Variants in VPS8 observed in about 807,000 individuals in gnomAD.
VPS8 encodes VPS8 subunit of CORVET complex.
A neutral mutation model predicts 216.4 loss-of-function variants in VPS8; 129 were observed. The ratio of observed to expected loss-of-function variants is 0.60; its 90% CI spans 0.52 to 0.69. The LOEUF is 0.69. Ranked by LOEUF, VPS8 falls within the 30% of genes least tolerant of loss-of-function variation. The pLI, the probability that VPS8 is intolerant of heterozygous loss-of-function variation, is 0.00. For missense variants in VPS8, 1,531 were observed against 1,683.5 expected (o/e 0.91, Z 1.59); for synonymous variants, 571 against 565.4 (o/e 1.01, Z -0.14).
At chr3:185,037,570 C>T (rs940903591) in intron 46 of VPS8, among the ~76,000 whole-genome samples, 4 of 152,090 alleles carry the variant, frequency 2.6e-5, no homozygotes, top group Non-Finnish European at 5.9e-5. Flanking sequence ...TCTCCTTTCT[C>T]TCCTCTTCTG....
chr3:184,968,875 A>G (rs1403543682), intron 39 of VPS8, among the ~76,000 whole-genome samples: 2 of 152,168 alleles, frequency 1.3e-5, no homozygotes. Flanking sequence ...AATTCTCTGT[A>G]GATTACTTAC....
intron 23 of VPS8, among the ~76,000 whole-genome samples, chr3:184,897,722 C>T (rs1354145940): frequency 3.3e-5 from 5 of 152,088 alleles, no homozygotes; most frequent in African/African-American, 1.2e-4. Context: ...CCTCTCACTC[C>T]CTCTTGTCAT....
chr3:185,042,611 G>A (rs550685108), intron 46 of VPS8, among the ~76,000 whole-genome samples: 28 of 152,176 alleles, frequency 1.8e-4, no homozygotes, highest in Admixed American at 1.2e-3. Flanking sequence ...GGCAGCATCC[G>A]GCAGTGATTT....
chr3:184,856,352 G>A (rs554044505), intron 14 of VPS8, among the ~76,000 whole-genome samples: 30 of 152,346 alleles, frequency 2.0e-4, no homozygotes, highest in African/African-American at 7.0e-4. Context: ...AAAGTGATTA[G>A]TATGGACTAG....
At chr3:184,954,433 G>A (rs980835637) in intron 36 of VPS8, among the ~76,000 whole-genome samples, 2 of 152,158 alleles carry the variant, frequency 1.3e-5, no homozygotes, top group African/African-American at 4.8e-5. Context: ...TAATCACATG[G>A]TTGGCCCTCC....
intron 6 of VPS8, chr3:184,838,975 T>C: frequency 2.3e-6 from 1 of 431,542 alleles, no homozygotes; most frequent in Non-Finnish European, 4.1e-6. Flanking sequence ...TGGAGTAATA[T>C]TAGCCTTCTC....
intron 3 of VPS8, among the ~76,000 whole-genome samples, chr3:184,830,278 C>A (rs77687867): frequency 0.019 from 2,807 of 150,952 alleles, 92 homozygotes; most frequent in African/African-American, 0.065. Context: ...GGATCTGAGT[C>A]CATTGGTGTG....
chr3:184,926,581 T>C lies in VPS8; in HGVS notation c.2575-13T>C, dbSNP rs1739692355. 2 of 1,581,302 alleles carry C rather than the reference T, an allele frequency of 1.3e-6. No individual in the cohort carries two copies. Among genetic ancestry groups the C allele is most frequent in the Non-Finnish European group, 1.7e-6 (2 of 1,163,334 alleles). ...TGCTGATATCAAATAAAAAATACTT[T>C]TTCTTCGGCCAGGTCCTTGAATTCC... On this transcript the variant is annotated splice_polypyrimidine_tract_variant and intron_variant, in intron 30 of 47. Coordinates refer to ENST00000625842, the MANE Select transcript of VPS8 (RefSeq NM_001009921.3).
At chr3:184,994,171 G>T (rs1752304215) in intron 43 of VPS8, 108 bp downstream of exon 43, 2 of 767,482 alleles carry the variant, frequency 2.6e-6, no homozygotes, top group Non-Finnish European at 4.0e-6. Flanking sequence ...TTTACTGGCA[G>T]TTAGGTAGAC....
At chr3:185,039,779 T>G (rs1360423248) in intron 46 of VPS8, among the ~76,000 whole-genome samples, 2 of 152,138 alleles carry the variant, frequency 1.3e-5, no homozygotes, top group African/African-American at 4.8e-5. Flanking sequence ...AGAATTAGTA[T>G]GAAACATGCA....
intron 5 of VPS8, 162 bp downstream of exon 5, chr3:184,834,904 A>G: frequency 1.8e-6 from 1 of 544,884 alleles, no homozygotes; most frequent in East Asian, 3.0e-5. Flanking sequence ...CTTATGAGAC[A>G]TGGCTACACG....
At chr3:184,945,072 G>A (rs1454782515) in intron 36 of VPS8, among the ~76,000 whole-genome samples, 1 of 151,802 alleles carries the variant, frequency 6.6e-6, no homozygotes, top group African/African-American at 2.4e-5. Context: ...TCTTTGGTTA[G>A]TATTTTGCTA....
intron 36 of VPS8, among the ~76,000 whole-genome samples, chr3:184,956,732 G>C (rs1745665085): frequency 6.6e-6 from 1 of 152,168 alleles, no homozygotes; most frequent in South Asian, 2.1e-4. Context: ...TAGGCATTGT[G>C]AATAGCGGGC....
At chr3:184,968,379 A>G (rs895395754) in intron 39 of VPS8, among the ~76,000 whole-genome samples, 12 of 152,100 alleles carry the variant, frequency 7.9e-5, no homozygotes, top group South Asian at 4.1e-4. Context: ...CTGGCTCTCA[A>G]TTCTTTTGGG....
chr3:184,972,546 A>T (rs1034328208), intron 40 of VPS8, among the ~76,000 whole-genome samples: 19 of 152,212 alleles, frequency 1.2e-4, no homozygotes, highest in African/African-American at 4.6e-4. Context: ...TCCAGTACTC[A>T]GGCTGCACCC....
At chr3:184,890,071 C>A (rs1732061964) in intron 22 of VPS8, among the ~76,000 whole-genome samples, 2 of 152,152 alleles carry the variant, frequency 1.3e-5, no homozygotes, top group African/African-American at 4.8e-5. Context: ...ATGGTCAGTT[C>A]CCTATGCTAA....
intron 36 of VPS8, among the ~76,000 whole-genome samples, chr3:184,943,108 G>A (rs553389134): frequency 1.1e-3 from 173 of 152,228 alleles, no homozygotes; most frequent in African/African-American, 4.0e-3. Flanking sequence ...TTGCATTATA[G>A]GCACACTCAG....
At chr3:184,859,601 A>G (rs528056841) in intron 14 of VPS8, among the ~76,000 whole-genome samples, 6 of 152,326 alleles carry the variant, frequency 3.9e-5, no homozygotes, top group African/African-American at 1.4e-4. Context: ...TCTGGTTTAC[A>G]TCACTGCAGC....
At chr3:184,826,348 C>A (rs541976512) in intron 3 of VPS8, 117 bp downstream of exon 3, 12 of 586,752 alleles carry the variant, frequency 2.0e-5, no homozygotes, top group African/African-American at 1.7e-4. Context: ...AGCCACTAGT[C>A]GTGTGTGTCA....
Sources: gnomAD v4.1 joint callset for allele counts (sites outside exome capture counted in the v4.1 genomes callset) on GRCh38, gnomAD v4.1.1 for gene constraint, MANE v1.5 for transcripts, NCBI Gene and HGNC (gene_info 2026-07-23, HGNC 2026-07-21) for gene names.